Variants in ELOVL6 observed in about 807,000 individuals in gnomAD.
The protein encoded by ELOVL6 is ELOVL fatty acid elongase 6, also known as very long chain fatty acid elongase 6.
Under a neutral mutation model 31.7 loss-of-function variants are expected in ELOVL6, and 8 were observed. The ratio of observed to expected loss-of-function variants is 0.25; its 90% CI spans 0.15 to 0.45. The LOEUF (loss-of-function observed/expected upper bound fraction) is 0.45, where lower values mean the gene tolerates loss of function less well. ELOVL6 is among the 20% of genes least tolerant of loss of function. The probability of loss-of-function intolerance (pLI) is 1.00; values close to 1 mark genes in which losing one functional copy is unlikely to be tolerated. For synonymous variants in ELOVL6, 101 were observed against 117.7 expected (o/e 0.86, Z 0.92); for missense variants, 126 against 326.4 (o/e 0.39, Z 4.73).
At chr4:110,071,974 T>A (rs1425177762) in intron 2 of ELOVL6, among the ~76,000 whole-genome samples, 1 of 152,168 alleles carries the variant, frequency 6.6e-6, no homozygotes, top group Admixed American at 6.5e-5. Flanking sequence ...GGAGCCAGCC[T>A]CCTCCTCACC....
chr4:110,191,558 A>C (rs1759623050), intron 1 of ELOVL6, among the ~76,000 whole-genome samples: 1 of 152,224 alleles, frequency 6.6e-6, no homozygotes, highest in Admixed American at 6.5e-5. Context: ...TAAGTTAATC[A>C]TTAAGACAAT....
intron 1 of ELOVL6, among the ~76,000 whole-genome samples, chr4:110,162,781 T>C (rs1290711649): frequency 6.6e-6 from 1 of 152,216 alleles, no homozygotes; most frequent in East Asian, 1.9e-4. Context: ...ATATGCAACA[T>C]AATAAATTCC....
chr4:110,091,214 A>G (rs186942816), intron 2 of ELOVL6, among the ~76,000 whole-genome samples: 1 of 152,280 alleles, frequency 6.6e-6, no homozygotes, highest in Admixed American at 6.5e-5. Flanking sequence ...AGAGGTGTCA[A>G]TTAGATTAGA....
At chr4:110,055,246 A>G (rs576831178) in intron 3 of ELOVL6, among the ~76,000 whole-genome samples, 1 of 152,214 alleles carries the variant, frequency 6.6e-6, no homozygotes, top group Non-Finnish European at 1.5e-5. Flanking sequence ...ATGCCAAGTC[A>G]TGGTAATTTC....
rs564078452 is a variant in ELOVL6 at position 110,063,310 on chromosome 4, C to T, written c.222-3556G>A. ...ATTCTCGAAGTACTTCTCAGGTTTC[C>T]GGAGGCCTGCTCCTGGTGTGGCGAC... On this transcript the variant is annotated intron_variant, in intron 2 of 3. Coordinates refer to ENST00000302274, the MANE Select transcript of ELOVL6 (RefSeq NM_024090.3). Among the ~76,000 whole-genome samples, 15 of 152,216 alleles carry T rather than the reference C, an allele frequency of 9.9e-5. No individual in the cohort carries two copies. In the South Asian group the frequency reaches 2.9e-3, roughly 30 times the overall value.
At chr4:110,161,438 T>C (rs1758628744) in intron 1 of ELOVL6, among the ~76,000 whole-genome samples, 1 of 152,208 alleles carries the variant, frequency 6.6e-6, no homozygotes, top group Non-Finnish European at 1.5e-5. Context: ...TTTTCAAACA[T>C]GCACAGAGGG....
At chr4:110,123,557 G>A (rs1311747194) in intron 1 of ELOVL6, among the ~76,000 whole-genome samples, 1 of 152,144 alleles carries the variant, frequency 6.6e-6, no homozygotes, top group Non-Finnish European at 1.5e-5. Context: ...AAGAAAAAAA[G>A]CAAGTTGGTG....
intron 1 of ELOVL6, among the ~76,000 whole-genome samples, chr4:110,176,954 C>T (rs1004114631): frequency 2.0e-5 from 3 of 152,126 alleles, no homozygotes; most frequent in Non-Finnish European, 2.9e-5. Flanking sequence ...AGACTGGTCT[C>T]GAACTCCTGA....
intron 1 of ELOVL6, among the ~76,000 whole-genome samples, chr4:110,136,666 C>A (rs1757822118): frequency 6.6e-6 from 1 of 152,166 alleles, no homozygotes. Flanking sequence ...ATTTTACATT[C>A]TAAATAACTG....
At chr4:110,084,123 A>ATATATATGC (rs1560814108) in intron 2 of ELOVL6, among the ~76,000 whole-genome samples, 1 of 83,550 alleles carries the variant, frequency 1.2e-5, no homozygotes, top group African/African-American at 8.8e-5. Flanking sequence ...TATATATAAC[A>ATATATATGC]TATATGTGAT....
chr4:110,198,085 C>CG (rs1232793482), intron 1 of ELOVL6, 162 bp downstream of exon 1: 3 of 514,762 alleles, frequency 5.8e-6, no homozygotes, highest in Non-Finnish European at 3.6e-6. Flanking sequence ...CCCCCCCCCC[C>CG]CCAGCGTCTC....
At chr4:110,157,790 C>T (rs1042018670) in intron 1 of ELOVL6, among the ~76,000 whole-genome samples, 2 of 152,198 alleles carry the variant, frequency 1.3e-5, no homozygotes, top group Non-Finnish European at 2.9e-5. Flanking sequence ...AGCTGTAAAG[C>T]TATGTGCCCT....
At chr4:110,088,210 G>T (rs56217731) in intron 2 of ELOVL6, among the ~76,000 whole-genome samples, 20,258 of 152,110 alleles carry the variant, frequency 0.13, 1,425 homozygotes, top group African/African-American at 0.15. Flanking sequence ...AGCACAGAGC[G>T]CTAATTAGAG....
At chr4:110,141,797 A>G (rs895905948) in intron 1 of ELOVL6, among the ~76,000 whole-genome samples, 1 of 146,410 alleles carries the variant, frequency 6.8e-6, no homozygotes, top group Non-Finnish European at 1.5e-5. Context: ...ATATATACTA[A>G]TACAATGTAC....
intron 1 of ELOVL6, among the ~76,000 whole-genome samples, chr4:110,134,413 C>A (rs1757756889): frequency 6.6e-6 from 1 of 152,066 alleles, no homozygotes; most frequent in Admixed American, 6.6e-5. Context: ...TCAGGAGTCA[C>A]TATGACACAT....
intron 2 of ELOVL6, among the ~76,000 whole-genome samples, chr4:110,070,723 G>C (rs985000252): frequency 1.3e-5 from 2 of 152,122 alleles, no homozygotes; most frequent in African/African-American, 4.8e-5. Flanking sequence ...GTTGTTTAAA[G>C]TGTGTAGCAC....
intron 1 of ELOVL6, among the ~76,000 whole-genome samples, chr4:110,154,647 G>C (rs2126266706): frequency 6.6e-6 from 1 of 152,332 alleles, no homozygotes; most frequent in African/African-American, 2.4e-5. Context: ...TCTCAGCAAA[G>C]TTATTTTTTG....
At chr4:110,130,305 A>G (rs1001063164) in intron 1 of ELOVL6, among the ~76,000 whole-genome samples, 5 of 152,182 alleles carry the variant, frequency 3.3e-5, no homozygotes, top group Non-Finnish European at 5.9e-5. Flanking sequence ...ATTTATTAAC[A>G]TGGACTAGAA....
intron 1 of ELOVL6, among the ~76,000 whole-genome samples, chr4:110,164,209 TGAA>T (rs1257904525): frequency 4.6e-5 from 7 of 152,154 alleles, no homozygotes; most frequent in African/African-American, 1.7e-4. Context: ...GGGAGGTTAA[TGAA>T]TGTGCTCAAG....
Sources: allele counts gnomAD v4.1 joint callset (sites outside exome capture counted in the v4.1 genomes callset), GRCh38; gene constraint gnomAD v4.1.1; transcripts MANE v1.5; gene names NCBI Gene and HGNC (gene_info 2026-07-23, HGNC 2026-07-21).